The following TYW3 variants were observed in gnomAD, a reference collection of about 807,000 sequenced individuals.
TYW3 encodes the protein tRNA-yW synthesizing protein 3 homolog.
A neutral mutation model predicts 23.1 loss-of-function variants in TYW3; 26 were observed. The ratio of observed to expected loss-of-function variants is 1.13; its 90% confidence interval spans 0.83 to 1.56. TYW3 has a LOEUF of 1.56. TYW3 is among the 40% of genes most tolerant of loss of function. The pLI is 0.00. For synonymous variants in TYW3, 102 were observed against 105.7 expected, an observed-to-expected ratio of 0.97 and a Z score of 0.21; for missense variants, 316 against 311.9, an observed-to-expected ratio of 1.01 and a Z score of -0.10.
intron 3 of TYW3, among the ~76,000 whole-genome samples, chr1:74,747,749 ATG>A (rs1557746349): frequency 2.0e-5 from 3 of 151,242 alleles, no homozygotes; most frequent in Non-Finnish European, 4.4e-5. Context: ...ACACACATAT[ATG>A]TATATATGTA....
At chr1:74,737,604 C>T (rs759793425) in intron 2 of TYW3, among the ~76,000 whole-genome samples, 5 of 152,084 alleles carry the variant, frequency 3.3e-5, no homozygotes, top group Admixed American at 6.5e-5. Flanking sequence ...CGATGTTGCC[C>T]GGGGATGCTG....
Position 74,752,385 on chromosome 1 carries a change from G to A in TYW3, c.520G>A (p.Ala174Thr), listed in dbSNP as rs1648815567. The change falls in exon 5 of 6, where the codon GCA becomes ACA. Residue 174 changes from alanine (A) to threonine (T), a missense_variant. Physicochemically the swap from Ala to Thr is moderately conservative, Grantham distance 58. Coordinates refer to ENST00000370867, the MANE Select transcript of TYW3 (RefSeq NM_138467.3). ...ATATATTGACTTCCTGTTAAATGTG[G>A]CAAATCAAAAAATGGAGGAAAACAA... ...EEYIDFLLNV[A>T]NQKMEENKKR... 2.5e-6 allele frequency: 4 copies of A among 1,612,878 alleles called. No individual in the cohort carries two copies. The East Asian group carries it at 8.9e-5, about 36-fold the overall frequency.
intron 5 of TYW3, among the ~76,000 whole-genome samples, chr1:74,752,981 C>T (rs1648840254): frequency 6.6e-6 from 1 of 152,138 alleles, no homozygotes. Flanking sequence ...CTCCATACTT[C>T]TTTTGTTCTT....
intron 3 of TYW3, among the ~76,000 whole-genome samples, chr1:74,746,360 C>T (rs1367209663): frequency 1.3e-5 from 2 of 152,174 alleles, no homozygotes; most frequent in Non-Finnish European, 2.9e-5. Context: ...TAACCCTGAA[C>T]TTTTATCTAA....
chr1:74,753,154 C>T (rs1174134485), intron 5 of TYW3, among the ~76,000 whole-genome samples: 2 of 152,184 alleles, frequency 1.3e-5, no homozygotes, highest in Non-Finnish European at 2.9e-5. Flanking sequence ...TTGAGTTATC[C>T]AAGGAGTAAT....
At chr1:74,746,790 G>A (rs763603151) in intron 3 of TYW3, among the ~76,000 whole-genome samples, 37 of 152,244 alleles carry the variant, frequency 2.4e-4, no homozygotes, top group South Asian at 4.2e-4. Flanking sequence ...GCAGTGAGCC[G>A]AGATTGCACC....
chr1:74,747,189 G>A lies in TYW3; in HGVS notation c.355-1562G>A, dbSNP rs144880291. 1.0e-3 allele frequency among the ~76,000 whole-genome samples: 154 copies of A among 152,274 alleles called. No homozygotes were observed. In the Middle Eastern group the frequency reaches 0.017, roughly 17 times the overall value. On this transcript the variant is annotated intron_variant, in intron 3 of 5. Coordinates refer to ENST00000370867, the MANE Select transcript of TYW3 (RefSeq NM_138467.3). Reference sequence around the variant, plus strand: ...GTGATGGAGACTTGAAAAAGAGTGGGCAGTGGATGTGGCAAGAGCTGGATT... The same window carrying A: ...GTGATGGAGACTTGAAAAAGAGTGGACAGTGGATGTGGCAAGAGCTGGATT...
chr1:74,755,796 A>G (rs768437203), intron 5 of TYW3, among the ~76,000 whole-genome samples: 2 of 152,180 alleles, frequency 1.3e-5, no homozygotes, highest in Non-Finnish European at 2.9e-5. Context: ...GGGAAATAGC[A>G]TGATAGATAA....
rs985118070 is a variant in TYW3, at chr1:74,733,192, G to A, written c.-53G>A. The A allele has an allele frequency of 1.5e-5, 24 of 1,593,758 alleles. No individual in the cohort carries two copies. In the African/African-American group the frequency reaches 2.5e-4, roughly 17 times the overall value. ...TCGCTTCAATATGGCTGCCCCCAGG[G>A]AGAGACGAGGCTACCATGAAGGAGC... On this transcript the variant is annotated 5_prime_UTR_variant, in exon 1 of 6. Transcript: ENST00000370867.
chr1:74,733,229 CCT>C lies in TYW3; in HGVS notation c.-15_-14del. ...TACCATGAAGGAGCCGAGCGCAGAC[CCT>C]GAGTCCGTCACCCATGGATCGCAGC... On this transcript the variant is annotated 5_prime_UTR_variant, in exon 1 of 6. An upstream open reading frame in the 5' UTR loses its in-frame stop. Transcript: ENST00000370867. 3.7e-6 allele frequency: 6 copies of C among 1,613,156 alleles called. No homozygotes were observed. In the South Asian group the frequency reaches 4.4e-5, roughly 12 times the overall value.
At chr1:74,746,043 G>A (rs1188507726) in intron 3 of TYW3, among the ~76,000 whole-genome samples, 3 of 152,174 alleles carry the variant, frequency 2.0e-5, no homozygotes, top group African/African-American at 7.2e-5. Context: ...GGAGGTTAGG[G>A]CATCAACATA....
At chr1:74,758,789 G>A (rs1557750591) in intron 5 of TYW3, among the ~76,000 whole-genome samples, 1 of 151,954 alleles carries the variant, frequency 6.6e-6, no homozygotes, top group Non-Finnish European at 1.5e-5. Context: ...TTTTTCCACT[G>A]CAACATGGTC....
chr1:74,733,297 C>T lies in TYW3; in HGVS notation c.53C>T (p.Ala18Val), dbSNP rs1215255881. The change falls in exon 1 of 6, where the codon GCG (alanine) becomes GTG (valine). Residue 18 changes from alanine (A) to valine (V), a missense_variant. Transcript: ENST00000370867. ...TGGAAGGCGCAATGTTTGAGCAAAG[C>T]GGACCTCAGCCGGAAGGGCAGTGTT... ...RKWKAQCLSK[A>V]DLSRKGSVDE... 10 of 1,614,162 alleles carry T rather than the reference C, an allele frequency of 6.2e-6. No homozygotes were observed. The highest frequency in any genetic ancestry group is 7.6e-6 in the Non-Finnish European group (9 of 1,180,026).
intron 5 of TYW3, among the ~76,000 whole-genome samples, chr1:74,754,585 T>C (rs1648893661): frequency 6.6e-6 from 1 of 152,062 alleles, no homozygotes; most frequent in Admixed American, 6.6e-5. Context: ...GTACTAAGAT[T>C]GGTTTGCCAT....
In TYW3 at chr1:74,738,753, G is replaced by T; in HGVS notation, c.319G>T (p.Val107Leu). Residue 107 changes from valine to leucine, a missense_variant, in exon 3 of 6, where the codon GTG (valine) becomes TTG (leucine). Val to Leu is a conservative substitution (Grantham distance 32). Transcript: ENST00000370867. ...GAAATTTGAACCATTTGTTCTTCAT[G>T]TGCAGTGTCGACAATTGCAGGATGC... ...TLKFEPFVLH[V>L]QCRQLQDAQI... 6.2e-7 allele frequency: 1 copy of T among 1,611,122 alleles called. No individual in the cohort carries two copies. Among genetic ancestry groups the T allele is most frequent in the Non-Finnish European group, 8.5e-7 (1 of 1,177,738 alleles).
chr1:74,742,188 C>G (rs1048359074), intron 3 of TYW3, among the ~76,000 whole-genome samples: 11 of 152,184 alleles, frequency 7.2e-5, no homozygotes, highest in Admixed American at 1.3e-4. Context: ...GTGACCTACT[C>G]TTTGTTCCCC....
chr1:74,751,807 A>T (rs917948275), intron 4 of TYW3, among the ~76,000 whole-genome samples: 2 of 152,176 alleles, frequency 1.3e-5, no homozygotes, highest in African/African-American at 4.8e-5. Context: ...CAACAGGGCT[A>T]TTAAGATTGT....
rs765176769 is a variant in TYW3 at position 74,765,498 on chromosome 1, A to C, written c.*1385A>C. On this transcript the variant is annotated 3_prime_UTR_variant, in exon 6 of 6. Transcript: ENST00000370867. ...ATTCTTATCTACCAACATATACAGC[A>C]GTCCTTCTGGGAAGGAAATTTGGGC... 6.6e-6 allele frequency: 1 copy of C among 152,194 alleles called. No individual in the cohort carries two copies. Among genetic ancestry groups the C allele is most frequent in the Non-Finnish European group, 1.5e-5 (1 of 68,034 alleles). 9.4% of individuals were successfully genotyped at this position (152,194 alleles called of 1,614,324 possible). A position where few individuals can be genotyped will look rare whatever the true frequency, so the allele number is the denominator to read the frequency against.
intron 2 of TYW3, among the ~76,000 whole-genome samples, chr1:74,738,020 CA>C (rs1252591307): frequency 6.6e-6 from 1 of 151,954 alleles, no homozygotes; most frequent in Non-Finnish European, 1.5e-5. Flanking sequence ...GGAACGTGCT[CA>C]GGGGCCATTG....
Sources: allele counts gnomAD v4.1 joint callset (sites outside exome capture counted in the v4.1 genomes callset), GRCh38; gene constraint gnomAD v4.1.1; transcripts MANE v1.5; gene names NCBI Gene and HGNC (gene_info 2026-07-23, HGNC 2026-07-21).